GPC3: variants seen among roughly 807,000 people sequenced by gnomAD.
GPC3 encodes the protein glypican-3.
GPC3 carries 3 observed loss-of-function variants against 34.4 expected under a neutral mutation model. That is an observed-to-expected ratio of 0.09 (90% confidence interval 0.04 to 0.23). GPC3 has a LOEUF of 0.23. Among genes scored for constraint, GPC3 ranks in the 10% least tolerant of loss-of-function variants. The pLI is 1.00. For synonymous variants in GPC3, 177 were observed against 174.0 expected (o/e 1.02, Z -0.13); for missense variants, 351 against 445.6 (o/e 0.79, Z 1.91).
chrX:133,744,523 A>G (rs2071593530), intron 3 of GPC3, among the ~76,000 whole-genome samples: 1 of 112,297 alleles, frequency 8.9e-6, no homozygotes, highest in South Asian at 3.7e-4. Context: ...CAGATGCTGG[A>G]GAGGATGTGG....
At chrX:133,701,216 C>T (rs759178329) in intron 3 of GPC3, among the ~76,000 whole-genome samples, 1 of 111,453 alleles carries the variant, frequency 9.0e-6, no homozygotes, top group Non-Finnish European at 1.9e-5. Context: ...CACTTTCAAG[C>T]AAAAGCCTAA....
At chrX:133,733,551 A>G (rs1403542753) in intron 3 of GPC3, among the ~76,000 whole-genome samples, 2 of 111,654 alleles carry the variant, frequency 1.8e-5, no homozygotes, top group Non-Finnish European at 3.8e-5. Flanking sequence ...AGTGAAAATC[A>G]GTGAAATCTA....
At chrX:133,728,237 T>C (rs2071429712) in intron 3 of GPC3, among the ~76,000 whole-genome samples, 1 of 111,811 alleles carries the variant, frequency 8.9e-6, no homozygotes, top group South Asian at 3.8e-4. Context: ...ACTTCTCAGA[T>C]CAGCTAAAGA....
At chrX:133,612,766 C>T (rs1459549635) in intron 6 of GPC3, among the ~76,000 whole-genome samples, 1 of 112,409 alleles carries the variant, frequency 8.9e-6, no homozygotes, top group Non-Finnish European at 1.9e-5. Flanking sequence ...AATAATTTAG[C>T]ACAGTGCCTG....
intron 2 of GPC3, among the ~76,000 whole-genome samples, chrX:133,824,258 C>T (rs2075735254): frequency 9.0e-6 from 1 of 111,009 alleles, no homozygotes; most frequent in East Asian, 2.8e-4. Context: ...TCTAACAATC[C>T]AATTAAAAGA....
intron 3 of GPC3, among the ~76,000 whole-genome samples, chrX:133,720,999 G>C (rs1464545729): frequency 3.7e-5 from 4 of 109,218 alleles, no homozygotes; most frequent in Non-Finnish European, 5.7e-5. Context: ...ACTTCTCCAT[G>C]TAACCAAAAA....
chrX:133,622,050 T>C (rs5930623), intron 6 of GPC3, among the ~76,000 whole-genome samples: 25,328 of 110,782 alleles, frequency 0.23, 3,132 homozygotes, highest in East Asian at 0.54. Flanking sequence ...GGGTCTGGAG[T>C]GGACCTCCAG....
chrX:133,546,658 A>C (rs1283790533), intron 7 of GPC3, among the ~76,000 whole-genome samples: 1 of 111,993 alleles, frequency 8.9e-6, no homozygotes, highest in African/African-American at 3.2e-5. Context: ...AATGAAATTA[A>C]CACCACTGAA....
chrX:133,639,195 G>C (rs1169439693), intron 6 of GPC3, among the ~76,000 whole-genome samples: 2 of 111,935 alleles, frequency 1.8e-5, no homozygotes, highest in Non-Finnish European at 3.8e-5. Context: ...TTATCTTCCA[G>C]GAACCATCTC....
chrX:133,948,042 C>T (rs1357420135), intron 2 of GPC3, among the ~76,000 whole-genome samples: 2 of 110,726 alleles, frequency 1.8e-5, no homozygotes, highest in African/African-American at 6.6e-5. Flanking sequence ...GCGGGCAGAA[C>T]TGTCAGGCTA....
chrX:133,780,083 G>A (rs916522283), intron 2 of GPC3, among the ~76,000 whole-genome samples: 5 of 111,839 alleles, frequency 4.5e-5, no homozygotes, highest in African/African-American at 1.6e-4. Flanking sequence ...CTGGGGCGAG[G>A]CTGGGAAATG....
Position 133,698,825 on chromosome X carries a change from T to C in GPC3, c.1166+1070A>G, listed in dbSNP as rs1005281879. Among the ~76,000 whole-genome samples, 7 of 111,856 alleles carry C rather than the reference T, an allele frequency of 6.3e-5. 1 individual carries two copies. Among genetic ancestry groups the C allele is most frequent in the Non-Finnish European group, 1.3e-4 (7 of 53,193 alleles). On this transcript the variant is annotated intron_variant, in intron 4 of 7. Coordinates refer to ENST00000370818, the MANE Select transcript of GPC3 (RefSeq NM_004484.4). The stretch of plus-strand genomic sequence containing the variant: ...AGCAAGAGATTATCTTAATTCCCAC[T>C]TCTCCTCTCTCCCTAAAAGGGGTTA...
At chrX:133,948,575 C>T (rs2076379402) in intron 2 of GPC3, among the ~76,000 whole-genome samples, 1 of 111,113 alleles carries the variant, frequency 9.0e-6, no homozygotes, top group Non-Finnish European at 1.9e-5. Context: ...ATAGTGTGGA[C>T]CAAAAAATGC....
At chrX:133,980,601 AG>A (rs1569462063) in intron 1 of GPC3, among the ~76,000 whole-genome samples, 1 of 112,339 alleles carries the variant, frequency 8.9e-6, no homozygotes. Flanking sequence ...TCAGCATGCC[AG>A]AACTTTTCAG....
chrX:133,627,137 G>A (rs1289376042), intron 6 of GPC3, among the ~76,000 whole-genome samples: 1 of 84,123 alleles, frequency 1.2e-5, no homozygotes, highest in African/African-American at 4.6e-5. Context: ...ACACAGGGTG[G>A]GGAACATCAC....
At chrX:133,781,355 T>C (rs1018172040) in intron 2 of GPC3, among the ~76,000 whole-genome samples, 5 of 111,743 alleles carry the variant, frequency 4.5e-5, no homozygotes, top group Non-Finnish European at 9.4e-5. Context: ...GGCCATATGG[T>C]GACTGTCACA....
intron 2 of GPC3, among the ~76,000 whole-genome samples, chrX:133,893,434 A>T (rs1666729547): frequency 1.8e-5 from 2 of 108,912 alleles, no homozygotes; most frequent in East Asian, 2.8e-4. Context: ...TTATTTTTTA[A>T]TTTTTGTCTT....
At chrX:133,794,521 G>A (rs1359027672) in intron 2 of GPC3, among the ~76,000 whole-genome samples, 1 of 111,293 alleles carries the variant, frequency 9.0e-6, no homozygotes, top group African/African-American at 3.3e-5. Context: ...GGCTTTGGGT[G>A]GGGGGGCACT....
chrX:133,661,560 ATCTCTCTTTCTCTCTC>A (rs2070717158), intron 6 of GPC3, among the ~76,000 whole-genome samples, 154 bp downstream of exon 6: 1 of 60,653 alleles, frequency 1.6e-5, no homozygotes, highest in African/African-American at 7.1e-5. Flanking sequence ...AGCTGGCTAT[ATCTCTCTTTCTCTCTC>A]TCTCTCTCTC....
Sources: gnomAD v4.1 joint callset for allele counts (sites outside exome capture counted in the v4.1 genomes callset) on GRCh38, gnomAD v4.1.1 for gene constraint, MANE v1.5 for transcripts, NCBI Gene and HGNC (gene_info 2026-07-23, HGNC 2026-07-21) for gene names.